BCAS3: variants seen among roughly 807,000 people sequenced by gnomAD.
The protein encoded by BCAS3 is BCAS3 microtubule associated cell migration factor.
Under a neutral mutation model 116.1 loss-of-function variants are expected in BCAS3, and 53 were observed. The observed-to-expected ratio is 0.46, with a 90% confidence interval of 0.37 to 0.57. The LOEUF is 0.57. BCAS3 is among the 20% of genes least tolerant of loss of function. The probability of loss-of-function intolerance (pLI) is 0.00; values close to 1 mark genes in which losing one functional copy is unlikely to be tolerated. For missense variants in BCAS3, 917 were observed against 1,165.4 expected (o/e 0.79, Z 3.10); for synonymous variants, 391 against 408.2 (o/e 0.96, Z 0.51).
At position 61,105,713 on chromosome 17, in the gene BCAS3, C is replaced by A. The variant is rs2074603242; in HGVS notation, c.2425+21149C>A. Among the ~76,000 whole-genome samples, 1 of 151,944 alleles carries A rather than the reference C, an allele frequency of 6.6e-6. No individual in the cohort carries two copies. The highest frequency in any genetic ancestry group is 2.4e-5 in the African/African-American group (1 of 41,366). ...AAGTGCTGGGATTACAGGTGTGAGC[C>A]ACTGTGCCCGGCCTAAACCCACAGA... is the stretch of plus-strand genomic sequence containing the variant. On this transcript the variant is annotated intron_variant, in intron 22 of 23. Coordinates refer to ENST00000407086, the MANE Select transcript of BCAS3 (RefSeq NM_017679.5). This position sits in a 1 kb window ranked among gnomAD's most constrained non-coding sequence, Gnocchi z 4.3.
chr17:61,243,118 G>T lies in BCAS3; in HGVS notation c.2426-125209G>T, dbSNP rs1335492309. 6.6e-6 allele frequency among the ~76,000 whole-genome samples: 1 copy of T among 152,040 alleles called. No individual in the cohort carries two copies. Among genetic ancestry groups the T allele is most frequent in the Non-Finnish European group, 1.5e-5 (1 of 67,990 alleles). ...GTAGAGATGGGGTTTCACCATGTTGGCCAAGATGGCCTCCATCTCCTGACC... is the reference window on the plus strand; with the variant it reads ...GTAGAGATGGGGTTTCACCATGTTGTCCAAGATGGCCTCCATCTCCTGACC... On this transcript the variant is annotated intron_variant, in intron 22 of 23. Transcript: ENST00000407086. This position sits in a 1 kb window ranked among gnomAD's most constrained non-coding sequence, Gnocchi z 5.6.
intron 14 of BCAS3, among the ~76,000 whole-genome samples, chr17:60,986,543 TG>T (rs2063154385): frequency 6.6e-6 from 1 of 152,178 alleles, no homozygotes; most frequent in Non-Finnish European, 1.5e-5. Context: ...TTTTTAAACT[TG>T]AGGGAGATGA....
chr17:60,926,119 T>A (rs1260249317), intron 13 of BCAS3, among the ~76,000 whole-genome samples: 1 of 152,148 alleles, frequency 6.6e-6, no homozygotes, highest in Non-Finnish European at 1.5e-5. Context: ...AGCATTTTGG[T>A]TTGCATTATA....
chr17:60,950,669 AGAT>A (rs1231468018), intron 14 of BCAS3, among the ~76,000 whole-genome samples: 1 of 152,236 alleles, frequency 6.6e-6, no homozygotes, highest in African/African-American at 2.4e-5. Flanking sequence ...AGGTGAACAG[AGAT>A]GATATCTCTA....
chr17:61,331,723 T>C (rs2056306773), intron 22 of BCAS3, among the ~76,000 whole-genome samples: 1 of 152,076 alleles, frequency 6.6e-6, no homozygotes, highest in African/African-American at 2.4e-5. Context: ...CTCCTAGCAG[T>C]GTGGGAAAGT....
chr17:60,759,577 G>A (rs2043311908), intron 6 of BCAS3, among the ~76,000 whole-genome samples: 1 of 147,840 alleles, frequency 6.8e-6, no homozygotes, highest in African/African-American at 2.5e-5. Context: ...TATGTATTTA[G>A]AATTGTTACA....
At chr17:60,799,531 T>TTTG (rs2047533745) in intron 6 of BCAS3, among the ~76,000 whole-genome samples, 1 of 131,326 alleles carries the variant, frequency 7.6e-6, no homozygotes, top group African/African-American at 3.3e-5. Context: ...TTTGTTTTTT[T>TTTG]TTTTTTTTTT....
intron 22 of BCAS3, among the ~76,000 whole-genome samples, chr17:61,138,692 G>T (rs1043436018): frequency 6.6e-6 from 1 of 152,154 alleles, no homozygotes; most frequent in African/African-American, 2.4e-5. Flanking sequence ...TGGAATAAGA[G>T]ACTTACTTTA....
chr17:60,775,545 G>A (rs527554442), intron 6 of BCAS3, among the ~76,000 whole-genome samples: 122 of 149,070 alleles, frequency 8.2e-4, no homozygotes, highest in African/African-American at 3.0e-3. Flanking sequence ...CAGTTTTTAT[G>A]TATATATAGG....
chr17:61,178,872 G>A (rs1286709735), intron 22 of BCAS3, among the ~76,000 whole-genome samples: 1 of 152,144 alleles, frequency 6.6e-6, no homozygotes, highest in South Asian at 2.1e-4. Context: ...TACCCTATAT[G>A]AAGACGCTGG....
chr17:60,719,145 A>G (rs2038967528), intron 5 of BCAS3, among the ~76,000 whole-genome samples: 1 of 152,230 alleles, frequency 6.6e-6, no homozygotes. Context: ...ATCACTTTTA[A>G]AAATAAGAAA....
intron 22 of BCAS3, among the ~76,000 whole-genome samples, chr17:61,116,454 C>T (rs978600395): frequency 2.0e-5 from 3 of 152,238 alleles, no homozygotes; most frequent in African/African-American, 7.2e-5. Flanking sequence ...TTATCTTAAA[C>T]ATTCTCTTAC....
chr17:61,038,908 G>A (rs1427106331), intron 18 of BCAS3, among the ~76,000 whole-genome samples: 3 of 151,956 alleles, frequency 2.0e-5, no homozygotes, highest in Admixed American at 2.0e-4. Flanking sequence ...TGATCCACTC[G>A]CCTTGGCCTC....
chr17:60,975,902 A>G (rs760467066), intron 14 of BCAS3, among the ~76,000 whole-genome samples: 62 of 150,018 alleles, frequency 4.1e-4, no homozygotes, highest in Middle Eastern at 3.4e-3. Context: ...AGTAAATACT[A>G]TTTCATTATA....
rs1056518532 is a variant in BCAS3 at position 61,282,076 on chromosome 17, C to G, written c.2426-86251C>G. ...AAACTAGTTACTAGGTACCTGCCTCCTGCATTTTTGTGAATATCTAATAAG... is the reference window on the plus strand; with the variant it reads ...AAACTAGTTACTAGGTACCTGCCTCGTGCATTTTTGTGAATATCTAATAAG... On this transcript the variant is annotated intron_variant, in intron 22 of 23. Transcript: ENST00000407086. This position sits in a 1 kb window ranked among gnomAD's most constrained non-coding sequence, Gnocchi z 5.9. Among the ~76,000 whole-genome samples the G allele has an allele frequency of 3.3e-5, 5 of 152,140 alleles. No individual in the cohort carries two copies. The highest frequency in any genetic ancestry group is 1.2e-4 in the African/African-American group (5 of 41,426).
At position 61,028,262 on chromosome 17, in the gene BCAS3, A is replaced by G. The variant is rs1051417303; in HGVS notation, c.1638-6404A>G. ...AATAGGTGACATAAAACAAATCAACATAAAATTTTCCTCCTTGAAAATTAT... is the reference window on the plus strand; with the variant it reads ...AATAGGTGACATAAAACAAATCAACGTAAAATTTTCCTCCTTGAAAATTAT... On this transcript the variant is annotated intron_variant, in intron 16 of 23. Coordinates refer to ENST00000407086, the MANE Select transcript of BCAS3 (RefSeq NM_017679.5). The surrounding 1 kb of genome is among the most constrained non-coding windows in gnomAD (Gnocchi z 4.3). Among the ~76,000 whole-genome samples, 5 of 151,922 alleles carry G rather than the reference A, an allele frequency of 3.3e-5. No individual in the cohort carries two copies. Among genetic ancestry groups the G allele is most frequent in the African/African-American group, 1.2e-4 (5 of 41,426 alleles).
intron 13 of BCAS3, among the ~76,000 whole-genome samples, chr17:60,932,024 G>A (rs972796021): frequency 6.6e-6 from 1 of 152,124 alleles, no homozygotes; most frequent in Non-Finnish European, 1.5e-5. Context: ...AGTGAGCTGA[G>A]ATCGCGCCAC....
At chr17:60,678,666 G>A (rs1440404293) in intron 1 of BCAS3, among the ~76,000 whole-genome samples, 1 of 152,154 alleles carries the variant, frequency 6.6e-6, no homozygotes, top group African/African-American at 2.4e-5. Context: ...GTAGCAGGGG[G>A]TTACGAATGT....
chr17:60,690,065 A>G (rs192923807), intron 4 of BCAS3, among the ~76,000 whole-genome samples: 34 of 152,346 alleles, frequency 2.2e-4, no homozygotes, highest in Admixed American at 6.5e-4. Context: ...GGTCAGTTAT[A>G]TAAGATTTAT....
Sources: gnomAD v4.1 joint callset for allele counts (sites outside exome capture counted in the v4.1 genomes callset) on GRCh38, gnomAD v4.1.1 for gene constraint, Gnocchi (gnomAD v3.1) non-coding constraint, MANE v1.5 for transcripts, NCBI Gene and HGNC (gene_info 2026-07-23, HGNC 2026-07-21) for gene names.